PHIP: variants seen among roughly 807,000 people sequenced by gnomAD.
The protein encoded by PHIP is PH-interacting protein.
PHIP carries 54 observed loss-of-function variants against 236.8 expected under a neutral mutation model. The observed-to-expected ratio is 0.23, with a 90% CI of 0.18 to 0.29. The LOEUF is 0.29. Ranked by LOEUF, PHIP falls within the 10% of genes least tolerant of loss-of-function variation. The pLI is 1.00. For synonymous variants in PHIP, 756 were observed against 718.9 expected (o/e 1.05, Z -0.83); for missense variants, 1,370 against 2,190.8 (o/e 0.63, Z 7.48).
At chr6:79,025,814 T>C (rs1771374603) in intron 8 of PHIP, 129 bp downstream of exon 8, 1 of 738,794 alleles carries the variant, frequency 1.4e-6, no homozygotes, top group Non-Finnish European at 2.3e-6. Flanking sequence ...GTTGGCCTTA[T>C]ATACTGGATT....
At chr6:78,966,734 TCTAAATATTCTCATGTTC>T (rs1313428126) in intron 27 of PHIP, among the ~76,000 whole-genome samples, 2 of 152,252 alleles carry the variant, frequency 1.3e-5, no homozygotes, top group Non-Finnish European at 2.9e-5. Flanking sequence ...CTTTTTCTTA[TCTAAATATTCTCATGTTC>T]CTTCTGTGTC....
At chr6:78,963,649 A>T (rs950252005) in intron 29 of PHIP, among the ~76,000 whole-genome samples, 1 of 152,192 alleles carries the variant, frequency 6.6e-6, no homozygotes, top group Non-Finnish European at 1.5e-5. Context: ...ACTTCAATCA[A>T]AGCTTCAATT....
At position 78,941,108 on chromosome 6, in the gene PHIP, T is replaced by C; in HGVS notation, c.5051A>G (p.Asp1684Gly). ...GCATGTTGAAGAAGGAAGTACTTCA[T>C]CTCTGATGGGATGCACATTATTTTG... ...LEQNNVHPIR[D>G]EVLPSSTCNF... Residue 1684 changes from aspartate (D) to glycine (G), a missense_variant, in exon 40 of 40, where the codon GAT (aspartate) becomes GGT (glycine). This residue lies in a region of PHIP where 309 missense variants were observed against 328.3 expected (regional missense o/e 0.94). Transcript: ENST00000275034. 1 of 1,613,838 alleles carries C rather than the reference T, an allele frequency of 6.2e-7. No homozygotes were observed. The highest frequency in any genetic ancestry group is 8.5e-7 in the Non-Finnish European group (1 of 1,179,700).
chr6:78,952,979 T>C (rs1319388383), intron 35 of PHIP, among the ~76,000 whole-genome samples: 1 of 152,142 alleles, frequency 6.6e-6, no homozygotes, highest in Non-Finnish European at 1.5e-5. Flanking sequence ...GAGAGGGTAC[T>C]AATATTTTCA....
intron 15 of PHIP, among the ~76,000 whole-genome samples, chr6:79,009,363 C>T (rs1770457611): frequency 2.0e-5 from 3 of 151,974 alleles, no homozygotes; most frequent in South Asian, 2.1e-4. Flanking sequence ...CTTACTGACT[C>T]GATTCCTATT....
In PHIP at chr6:78,985,406, C is replaced by T. The variant is rs754624603; in HGVS notation, c.2483G>A (p.Ser828Asn). ...CTCTTCTTCTTCGGATGTTCCACCA[C>T]TGACAGCAACTACTTCGCCTTCCTA... Reference protein sequence around the residue: ...SSDEGEVVAVSGGTSEEEERA... With the variant: ...SSDEGEVVAVNGGTSEEEERA... Residue 828 changes from serine (S) to asparagine (N), a missense_variant, in exon 22 of 40, where the codon AGT becomes AAT. Transcript: ENST00000275034. 2 of 1,592,304 alleles carry T rather than the reference C, an allele frequency of 1.3e-6. No homozygotes were observed. The highest frequency in any genetic ancestry group is 2.2e-5 in the South Asian group (2 of 90,596).
intron 19 of PHIP, among the ~76,000 whole-genome samples, chr6:78,991,303 TG>T (rs1455844743): frequency 1.3e-5 from 2 of 151,644 alleles, no homozygotes; most frequent in Non-Finnish European, 2.9e-5. Context: ...AGTGAGAAAT[TG>T]GATTTTTTTT....
At chr6:79,050,584 T>C (rs899275865) in intron 6 of PHIP, among the ~76,000 whole-genome samples, 5 of 152,186 alleles carry the variant, frequency 3.3e-5, no homozygotes, top group Admixed American at 6.5e-5. Flanking sequence ...TTTTGAGCTG[T>C]TCTGTTTTCC....
At chr6:79,072,426 T>G (rs1773931261) in intron 4 of PHIP, among the ~76,000 whole-genome samples, 1 of 152,208 alleles carries the variant, frequency 6.6e-6, no homozygotes. Context: ...TTTCCTTTAT[T>G]TTTTAGACCT....
intron 20 of PHIP, among the ~76,000 whole-genome samples, chr6:78,989,344 T>C (rs1306410294): frequency 6.6e-6 from 1 of 152,188 alleles, no homozygotes; most frequent in African/African-American, 2.4e-5. Context: ...GAGGATCACT[T>C]GAGGCAGTCC....
At chr6:78,978,838 T>C (rs1257919573) in intron 23 of PHIP, 127 bp from the exon 24 acceptor site, 2 of 661,350 alleles carry the variant, frequency 3.0e-6, no homozygotes, top group African/African-American at 1.8e-5. Context: ...CAATATTATA[T>C]ACAGTTGGCC....
chr6:79,020,055 A>T (rs1394711856), intron 9 of PHIP, among the ~76,000 whole-genome samples: 4 of 152,178 alleles, frequency 2.6e-5, no homozygotes, highest in Non-Finnish European at 5.9e-5. Flanking sequence ...TTCACAATAT[A>T]TAACAAATTT....
chr6:79,004,228 T>G (rs924208956), intron 15 of PHIP, among the ~76,000 whole-genome samples: 1 of 152,216 alleles, frequency 6.6e-6, no homozygotes, highest in African/African-American at 2.4e-5. Context: ...ACTGTACGGA[T>G]TTTTTGGTAA....
At chr6:78,955,441 A>C (rs1766352340) in intron 33 of PHIP, among the ~76,000 whole-genome samples, 159 bp from the exon 34 acceptor site, 1 of 151,968 alleles carries the variant, frequency 6.6e-6, no homozygotes, top group Admixed American at 6.6e-5. Flanking sequence ...CCCATTAAAA[A>C]ATTTTTTTTA....
At chr6:79,007,432 C>A (rs1272822249) in intron 15 of PHIP, among the ~76,000 whole-genome samples, 1 of 151,858 alleles carries the variant, frequency 6.6e-6, no homozygotes, top group Non-Finnish European at 1.5e-5. Flanking sequence ...AAAAACTGGA[C>A]AAATCTGGAG....
rs1276924432 is a variant in PHIP, at chr6:78,945,489, T to C, written c.4639A>G (p.Asn1547Asp). 6.3e-7 allele frequency: 1 copy of C among 1,592,872 alleles called. No individual in the cohort carries two copies. Among genetic ancestry groups the C allele is most frequent in the Non-Finnish European group, 8.6e-7 (1 of 1,161,296 alleles). ...AAAGCTTTGGAATGTTTCACAGAAT[T>C]CTCTAGTACTAAAACATACAAACAA... ...SAIPGKTILE[N>D]SVKHSKALNT... The change falls in exon 39 of 40, where the codon AAT (asparagine) becomes GAT (aspartate). Residue 1547 changes from asparagine (N) to aspartate (D), a missense_variant. Transcript: ENST00000275034.
At chr6:79,076,852 T>C (rs971281699) in intron 4 of PHIP, among the ~76,000 whole-genome samples, 2 of 151,690 alleles carry the variant, frequency 1.3e-5, no homozygotes, top group South Asian at 4.2e-4. Flanking sequence ...TGACCAACTA[T>C]CATCACACAT....
In PHIP at chr6:79,036,756, C is replaced by A. The variant is rs191803056; in HGVS notation, c.600+6087G>T. Among the ~76,000 whole-genome samples, 449 of 151,738 alleles carry A rather than the reference C, an allele frequency of 3.0e-3. 3 individuals carry two copies. Among genetic ancestry groups the A allele is most frequent in the African/African-American group, 8.8e-3 (366 of 41,386 alleles). On this transcript the variant is annotated intron_variant, in intron 7 of 39. Coordinates refer to ENST00000275034, the MANE Select transcript of PHIP (RefSeq NM_017934.7). Reference sequence around the variant, plus strand: ...CTAACATGGTGAAACCCTGTCTCTACTAAAAATACAAAAAATTAGCCAGGC... The same window carrying A: ...CTAACATGGTGAAACCCTGTCTCTAATAAAAATACAAAAAATTAGCCAGGC...
intron 14 of PHIP, 48 bp from the exon 15 acceptor site, chr6:79,015,264 A>G: frequency 6.9e-7 from 1 of 1,453,454 alleles, no homozygotes; most frequent in Non-Finnish European, 9.6e-7. Context: ...TAAAAAAGAA[A>G]GAAAAACAAA....
Sources: gnomAD v4.1 joint callset for allele counts (sites outside exome capture counted in the v4.1 genomes callset) on GRCh38, gnomAD v4.1.1 for gene constraint, gnomAD v4.1.1 regional missense constraint, MANE v1.5 for transcripts, NCBI Gene and HGNC (gene_info 2026-07-23, HGNC 2026-07-21) for gene names.